Variants in SMOC2 observed in about 807,000 individuals in gnomAD.
The protein encoded by SMOC2 is SPARC-related modular calcium-binding protein 2.
A neutral mutation model predicts 61.4 loss-of-function variants in SMOC2; 39 were observed. The observed-to-expected ratio is 0.64, with a 90% CI of 0.49 to 0.83. SMOC2 has a LOEUF of 0.83. Among genes scored for constraint, SMOC2 ranks in the 40% least tolerant of loss-of-function variants. The pLI, the probability that SMOC2 is intolerant of heterozygous loss-of-function variation, is 0.00. For missense variants in SMOC2, 556 were observed against 592.9 expected, an observed-to-expected ratio of 0.94 and a Z score of 0.65; for synonymous variants, 247 against 239.9, an observed-to-expected ratio of 1.03 and a Z score of -0.27.
intron 4 of SMOC2, among the ~76,000 whole-genome samples, chr6:168,538,132 G>A (rs1292235600): frequency 4.1e-5 from 6 of 146,742 alleles, no homozygotes; most frequent in Non-Finnish European, 7.5e-5. Context: ...GGTGACCGCT[G>A]CTGGAATCTG....
At chr6:168,660,728 A>C (rs1787487195) in intron 11 of SMOC2, among the ~76,000 whole-genome samples, 1 of 152,168 alleles carries the variant, frequency 6.6e-6, no homozygotes, top group African/African-American at 2.4e-5. Context: ...ATGCTCAGAG[A>C]TGGAGCCTCT....
intron 2 of SMOC2, among the ~76,000 whole-genome samples, chr6:168,517,307 G>C (rs78519449): frequency 0.02 from 3,046 of 152,338 alleles, 87 homozygotes; most frequent in African/African-American, 0.07. Flanking sequence ...TGGCCTGGCT[G>C]TGAGGCCCAG....
rs1021867683 is a variant in SMOC2, at chr6:168,442,493, G to A, written c.84+1039G>A. On this transcript the variant is annotated intron_variant, in intron 1 of 12. Transcript: ENST00000356284. ...TTGCAAACCCATCATTAATGCAATC[G>A]CCAGAAACGAAAACATTCCACTTAA... is the stretch of plus-strand genomic sequence containing the variant. Among the ~76,000 whole-genome samples the A allele has an allele frequency of 5.9e-5, 9 of 152,244 alleles. No homozygotes were observed. The East Asian group carries it at 1.3e-3, about 23-fold the overall frequency.
intron 7 of SMOC2, among the ~76,000 whole-genome samples, chr6:168,591,830 A>C (rs1027265086): frequency 2.8e-5 from 4 of 143,204 alleles, no homozygotes; most frequent in African/African-American, 9.9e-5. Context: ...AGGAAAGAAA[A>C]GTGACATATT....
chr6:168,623,983 C>T (rs1054570796), intron 9 of SMOC2, among the ~76,000 whole-genome samples: 2 of 152,118 alleles, frequency 1.3e-5, no homozygotes, highest in African/African-American at 2.4e-5. Context: ...GGGGCATCGC[C>T]GCAGAGGAGG....
intron 9 of SMOC2, among the ~76,000 whole-genome samples, chr6:168,615,311 C>T (rs879237027): frequency 4.6e-3 from 295 of 63,576 alleles, no homozygotes; most frequent in African/African-American, 0.018. Context: ...ACAGCCAGCA[C>T]GGGGCCTCTT....
chr6:168,476,227 T>C (rs931919380), intron 1 of SMOC2, among the ~76,000 whole-genome samples: 2 of 152,106 alleles, frequency 1.3e-5, no homozygotes, highest in African/African-American at 4.8e-5. Flanking sequence ...GAAATAACTA[T>C]GATGGGAGTG....
chr6:168,577,999 C>T (rs1461724252), intron 7 of SMOC2, among the ~76,000 whole-genome samples: 1 of 152,224 alleles, frequency 6.6e-6, no homozygotes, highest in Non-Finnish European at 1.5e-5. Flanking sequence ...CTGCTTCTAC[C>T]ATAACTTGTT....
chr6:168,634,422 G>A (rs1786658473), intron 9 of SMOC2, among the ~76,000 whole-genome samples: 1 of 152,168 alleles, frequency 6.6e-6, no homozygotes, highest in Non-Finnish European at 1.5e-5. Context: ...ACCTTCTTAT[G>A]GGGATATTCT....
chr6:168,556,320 C>A (rs1393443362), intron 7 of SMOC2, among the ~76,000 whole-genome samples: 1 of 152,190 alleles, frequency 6.6e-6, no homozygotes, highest in Non-Finnish European at 1.5e-5. Flanking sequence ...TTGTTGCCCA[C>A]ATGGGGTGCG....
At position 168,653,206 on chromosome 6, in the gene SMOC2, A is replaced by G. The variant is rs1159172751; in HGVS notation, c.1263A>G (p.Lys421=). The G allele has an allele frequency of 6.2e-7, 1 of 1,613,370 alleles. No homozygotes were observed. The highest frequency in any genetic ancestry group is 1.7e-5 in the Admixed American group (1 of 59,900). Residue 421 remains lysine (K), a synonymous_variant, in exon 11 of 13, where the codon AAA becomes AAG. Coordinates refer to ENST00000356284, the MANE Select transcript of SMOC2 (RefSeq NM_001166412.2). ...GCLGVAKEDG[K]ADTKKRHTPR... ...TGGGCGTGGCGAAAGAGGACGGCAA[A>G]GCGGACACCAAGAAACGCCACAGTA...
intron 1 of SMOC2, among the ~76,000 whole-genome samples, chr6:168,465,370 T>C (rs1781803879): frequency 6.6e-6 from 1 of 152,042 alleles, no homozygotes; most frequent in Admixed American, 6.6e-5. Flanking sequence ...CCTCCAAAAT[T>C]TCCGGGCTCT....
Position 168,567,500 on chromosome 6 carries a change from C to CGT in SMOC2, c.637+18312_637+18313dup, listed in dbSNP as rs201622209. On this transcript the variant is annotated intron_variant, in intron 7 of 12. Coordinates refer to ENST00000356284, the MANE Select transcript of SMOC2 (RefSeq NM_001166412.2). ...TTTAAAATACTGCCTTTTATTTGTGCGTGTGTGTGTGTGTGTCTTTCTATA... is the reference window on the plus strand; with the variant it reads ...TTTAAAATACTGCCTTTTATTTGTGCGTGTGTGTGTGTGTGTGTCTTTCTATA... 3.6e-3 allele frequency among the ~76,000 whole-genome samples: 542 copies of CGT among 148,812 alleles called. 6 individuals are homozygous for CGT. Among genetic ancestry groups the CGT allele is most frequent in the African/African-American group, 0.011 (460 of 40,528 alleles).
At chr6:168,606,449 T>C (rs116396467) in intron 8 of SMOC2, among the ~76,000 whole-genome samples, 5,041 of 152,236 alleles carry the variant, frequency 0.033, 258 homozygotes, top group African/African-American at 0.11. Context: ...GGGCCAAGGG[T>C]GGCAGGAATG....
intron 7 of SMOC2, among the ~76,000 whole-genome samples, chr6:168,589,076 C>CAAAAAAAAAAAAAAAA (rs35958554): frequency 1.1e-5 from 1 of 89,904 alleles, no homozygotes; most frequent in African/African-American, 4.4e-5. Flanking sequence ...GAATTCGTCT[C>CAAAAAAAAAAAAAAAA]AAAAAAAAAA....
intron 7 of SMOC2, among the ~76,000 whole-genome samples, chr6:168,585,463 G>A (rs1040112676): frequency 1.3e-5 from 2 of 152,186 alleles, no homozygotes; most frequent in Admixed American, 1.3e-4. Flanking sequence ...CAAATTAATG[G>A]ATATTTTGTT....
At chr6:168,451,589 C>T in intron 1 of SMOC2, among the ~76,000 whole-genome samples, 1 of 116,790 alleles carries the variant, frequency 8.6e-6, no homozygotes, top group South Asian at 3.3e-4. Flanking sequence ...CTCTGTCTCT[C>T]TCTGTCTCTG....
chr6:168,600,571 C>G (rs1275094748), intron 8 of SMOC2, among the ~76,000 whole-genome samples: 1 of 152,160 alleles, frequency 6.6e-6, no homozygotes, highest in East Asian at 1.9e-4. Context: ...TTCTGCCCCA[C>G]TCACGCCGGA....
chr6:168,624,152 C>T (rs1355454282), intron 9 of SMOC2, among the ~76,000 whole-genome samples: 5 of 152,210 alleles, frequency 3.3e-5, no homozygotes, highest in African/African-American at 7.2e-5. Flanking sequence ...AGAACTTAGA[C>T]GGTGTCAGCC....
Sources: gnomAD v4.1 joint callset for allele counts (sites outside exome capture counted in the v4.1 genomes callset) on GRCh38, gnomAD v4.1.1 for gene constraint, MANE v1.5 for transcripts, NCBI Gene and HGNC (gene_info 2026-07-23, HGNC 2026-07-21) for gene names.